Variants in CNTN4 observed in about 807,000 individuals in gnomAD.
CNTN4 encodes contactin-4.
Under a neutral mutation model 122.5 loss-of-function variants are expected in CNTN4, and 77 were observed. The observed-to-expected ratio is 0.63, with a 90% confidence interval of 0.52 to 0.76. The LOEUF (loss-of-function observed/expected upper bound fraction) is 0.76. Ranked by LOEUF, CNTN4 falls within the 30% of genes least tolerant of loss-of-function variation. The probability of loss-of-function intolerance (pLI) is 0.00; values close to 1 mark genes in which losing one functional copy is unlikely to be tolerated. For synonymous variants in CNTN4, 512 were observed against 447.0 expected (o/e 1.15, Z -1.83); for missense variants, 1,256 against 1,259.1 (o/e 1.00, Z 0.04).
chr3:2,917,271 C>G lies in CNTN4; in HGVS notation c.1208-8358C>G, dbSNP rs563285293. Reference sequence around the variant, plus strand: ...CAGCAGCACAGTCCAGCTTCGGCATCAGAGGGAGACCGTGGAAAGCGGGAG... The same window carrying G: ...CAGCAGCACAGTCCAGCTTCGGCATGAGAGGGAGACCGTGGAAAGCGGGAG... On this transcript the variant is annotated intron_variant, in intron 12 of 24. Coordinates refer to ENST00000418658, the MANE Select transcript of CNTN4 (RefSeq NM_175607.3). Among the ~76,000 whole-genome samples, 1,009 of 151,602 alleles carry G rather than the reference C, an allele frequency of 6.7e-3. 9 individuals carry two copies. The highest frequency in any genetic ancestry group is 0.023 in the African/African-American group (942 of 41,028).
intron 3 of CNTN4, among the ~76,000 whole-genome samples, chr3:2,380,499 T>C (rs934235720): frequency 5.9e-5 from 9 of 152,354 alleles, no homozygotes; most frequent in African/African-American, 9.6e-5. Context: ...ATAGTAACGA[T>C]GCTTACCACT....
At chr3:2,417,797 G>T (rs888397856) in intron 3 of CNTN4, among the ~76,000 whole-genome samples, 6 of 152,028 alleles carry the variant, frequency 3.9e-5, no homozygotes, top group African/African-American at 1.4e-4. Flanking sequence ...ATAATATTTG[G>T]CACTAAAAAG....
chr3:2,331,814 G>A (rs562473423), intron 2 of CNTN4, among the ~76,000 whole-genome samples: 1 of 152,250 alleles, frequency 6.6e-6, no homozygotes, highest in African/African-American at 2.4e-5. Context: ...TTGGGAAAGG[G>A]TGCTGAGTGA....
At chr3:2,466,970 C>CTTTTTTTTTTTTTTTTTT (rs60879017) in intron 3 of CNTN4, among the ~76,000 whole-genome samples, 17 of 115,810 alleles carry the variant, frequency 1.5e-4, no homozygotes, top group Admixed American at 1.9e-4. Flanking sequence ...TTCTTTCTTT[C>CTTTTTTTTTTTTTTTTTT]TTTTTTTTTT....
chr3:2,789,711 G>A (rs2091949048), intron 6 of CNTN4, among the ~76,000 whole-genome samples: 5 of 152,208 alleles, frequency 3.3e-5, no homozygotes, highest in Non-Finnish European at 5.9e-5. Flanking sequence ...GATGGCAGGC[G>A]TGAGCCATTG....
At chr3:2,487,421 C>G (rs774155846) in intron 3 of CNTN4, among the ~76,000 whole-genome samples, 4 of 152,154 alleles carry the variant, frequency 2.6e-5, no homozygotes, top group Non-Finnish European at 4.4e-5. Context: ...TTCTACCATC[C>G]AACCAATTTA....
chr3:2,950,233 G>A (rs1248650841), intron 13 of CNTN4, among the ~76,000 whole-genome samples: 1 of 152,238 alleles, frequency 6.6e-6, no homozygotes, highest in East Asian at 1.9e-4. Flanking sequence ...ACAGGCATGT[G>A]CTGACATGGG....
chr3:2,730,552 G>A (rs568466194), intron 4 of CNTN4, among the ~76,000 whole-genome samples: 1 of 152,278 alleles, frequency 6.6e-6, no homozygotes, highest in African/African-American at 2.4e-5. Flanking sequence ...TCCTAGGATT[G>A]TTCACAGATG....
At chr3:2,563,713 T>C (rs1412172882) in intron 3 of CNTN4, among the ~76,000 whole-genome samples, 1 of 152,218 alleles carries the variant, frequency 6.6e-6, no homozygotes, top group African/African-American at 2.4e-5. Flanking sequence ...GAACCATTCA[T>C]GTCTGTTTTT....
At chr3:2,844,476 A>G (rs1051404258) in intron 7 of CNTN4, among the ~76,000 whole-genome samples, 3 of 152,094 alleles carry the variant, frequency 2.0e-5, no homozygotes, top group African/African-American at 7.2e-5. Flanking sequence ...GTGTGTGTTC[A>G]CTCAGCTGTT....
At chr3:2,315,715 A>G (rs1325082024) in intron 2 of CNTN4, among the ~76,000 whole-genome samples, 1 of 152,056 alleles carries the variant, frequency 6.6e-6, no homozygotes, top group Non-Finnish European at 1.5e-5. Context: ...CTTTGAATCA[A>G]TCAAGTTCTG....
intron 3 of CNTN4, among the ~76,000 whole-genome samples, chr3:2,464,644 C>G (rs77018433): frequency 0.012 from 1,767 of 152,172 alleles, 27 homozygotes; most frequent in African/African-American, 0.04. Flanking sequence ...TTACATTCTT[C>G]CCAAAGAGGC....
chr3:2,603,559 A>G (rs962765741), intron 4 of CNTN4, among the ~76,000 whole-genome samples: 3 of 152,236 alleles, frequency 2.0e-5, no homozygotes, highest in African/African-American at 4.8e-5. Flanking sequence ...AAGAAATTGT[A>G]GTTTCTAAAT....
chr3:2,130,849 T>A (rs1165426360), intron 2 of CNTN4, among the ~76,000 whole-genome samples: 1 of 152,232 alleles, frequency 6.6e-6, no homozygotes, highest in Non-Finnish European at 1.5e-5. Context: ...ACTAGTGCTG[T>A]GTGCTATGTG....
At chr3:2,329,995 C>G (rs746532405) in intron 2 of CNTN4, among the ~76,000 whole-genome samples, 2 of 152,060 alleles carry the variant, frequency 1.3e-5, no homozygotes, top group Non-Finnish European at 2.9e-5. Flanking sequence ...AGTCAGAACC[C>G]ACATGTTAAG....
intron 18 of CNTN4, 152 bp from the exon 19 acceptor site, chr3:3,038,781 G>A (rs1699865129): frequency 7.5e-6 from 4 of 529,974 alleles, no homozygotes; most frequent in Non-Finnish European, 1.3e-5. Flanking sequence ...CGGTCGCCGT[G>A]GGCCCCTTGA....
intron 6 of CNTN4, among the ~76,000 whole-genome samples, chr3:2,789,981 A>G (rs544459409): frequency 9.8e-5 from 15 of 152,326 alleles, no homozygotes; most frequent in Non-Finnish European, 1.8e-4. Context: ...AGAAGGTACA[A>G]TTAGTAATAA....
chr3:2,935,582 C>G (rs920812951), intron 13 of CNTN4, among the ~76,000 whole-genome samples: 1 of 152,132 alleles, frequency 6.6e-6, no homozygotes, highest in Non-Finnish European at 1.5e-5. Flanking sequence ...CTCCCTGGTA[C>G]AAGATGTATT....
At chr3:2,966,909 T>G (rs188807972) in intron 13 of CNTN4, among the ~76,000 whole-genome samples, 1 of 152,354 alleles carries the variant, frequency 6.6e-6, no homozygotes, top group Non-Finnish European at 1.5e-5. Context: ...CTGGTGGACT[T>G]TTAAAGCCAG....
Sources: allele counts gnomAD v4.1 joint callset (sites outside exome capture counted in the v4.1 genomes callset), GRCh38; gene constraint gnomAD v4.1.1; transcripts MANE v1.5; gene names NCBI Gene and HGNC (gene_info 2026-07-23, HGNC 2026-07-21).